MTMR10: variants seen among roughly 807,000 people sequenced by gnomAD.
The protein encoded by MTMR10 is myotubularin-related protein 10.
A neutral mutation model predicts 88.1 loss-of-function variants in MTMR10; 56 were observed. The ratio of observed to expected loss-of-function variants is 0.64; its 90% confidence interval spans 0.51 to 0.79. MTMR10 has a LOEUF of 0.79. Among genes scored for constraint, MTMR10 ranks in the 30% least tolerant of loss-of-function variants. MTMR10 has a pLI of 0.00. For missense variants in MTMR10, 883 were observed against 924.7 expected (o/e 0.95, Z 0.58); for synonymous variants, 380 against 340.9 (o/e 1.11, Z -1.26).
At chr15:30,922,120 A>G in the MTMR10 span, 1 of 1,340,128 alleles carries the variant, frequency 7.5e-7, no homozygotes, top group Non-Finnish European at 1.0e-6. Context: ...GCCTCATTGT[A>G]GAATGGAAAG....
the MTMR10 span, chr15:30,920,508 C>G: frequency 2.3e-6 from 3 of 1,326,594 alleles, no homozygotes; most frequent in Non-Finnish European, 3.2e-6. Flanking sequence ...ATAAATTAAC[C>G]AAATTATTAA....
At chr15:30,935,613 T>C (rs948552749), downstream of MTMR10, among the ~76,000 whole-genome samples, 1 of 151,278 alleles carries the variant, frequency 6.6e-6, no homozygotes, top group Admixed American at 6.6e-5. Flanking sequence ...ATCAGGGACT[T>C]GAGCATCCAT....
At chr15:30,955,507 T>C (rs1339312610) in intron 9 of MTMR10, among the ~76,000 whole-genome samples, 1 of 152,122 alleles carries the variant, frequency 6.6e-6, no homozygotes, top group Non-Finnish European at 1.5e-5. Context: ...CCTGACCTTG[T>C]GATTCACCCC....
At chr15:30,964,281 T>C (rs1240622709) in intron 6 of MTMR10, among the ~76,000 whole-genome samples, 1 of 152,256 alleles carries the variant, frequency 6.6e-6, no homozygotes. Context: ...CCAGCAGCAC[T>C]GAATACTTTT....
At chr15:30,920,556 AT>A in the MTMR10 span, 6 of 1,610,454 alleles carry the variant, frequency 3.7e-6, no homozygotes, top group Non-Finnish European at 5.1e-6. Context: ...TGCCACGAAG[AT>A]TTACCACTCT....
At chr15:30,984,172 T>C (rs980885168) in intron 2 of MTMR10, among the ~76,000 whole-genome samples, 4 of 152,218 alleles carry the variant, frequency 2.6e-5, no homozygotes, top group African/African-American at 9.6e-5. Context: ...TTAAAGAATT[T>C]GGATTTTATC....
At chr15:30,974,862 G>T in intron 4 of MTMR10, 69 bp downstream of exon 4, 1 of 1,103,702 alleles carries the variant, frequency 9.1e-7, no homozygotes, top group Non-Finnish European at 1.2e-6. Context: ...TATTTTGAGA[G>T]GTATGACTTT....
chr15:30,941,829 G>A lies in MTMR10; in HGVS notation c.1975C>T (p.Leu659=). 6.2e-7 allele frequency: 1 copy of A among 1,614,066 alleles called. No homozygotes were observed. Among genetic ancestry groups the A allele is most frequent in the East Asian group, 2.2e-5 (1 of 44,888 alleles). The change falls in exon 16 of 16, where the codon CTG becomes TTG. Residue 659 remains leucine, a synonymous_variant. Coordinates refer to ENST00000435680, the MANE Select transcript of MTMR10 (RefSeq NM_017762.3). ...TCGGGAACCCAGCGGAAGTAGCACA[G>A]TTTCCACAGTTTTATGTGTGTTCCA... is the stretch of plus-strand genomic sequence containing the variant. ...VSGTHIKLWK[L]CYFRWVPEAQ...
the MTMR10 span, among the ~76,000 whole-genome samples, chr15:30,931,351 A>C: frequency 6.6e-6 from 1 of 152,172 alleles, no homozygotes; most frequent in Non-Finnish European, 1.5e-5. Flanking sequence ...GTCCTTTATC[A>C]GTGACATTTC....
chr15:30,939,457 G>A lies in MTMR10; in HGVS notation c.*2013C>T. 1 of 985,424 alleles carries A rather than the reference G, an allele frequency of 1.0e-6. No individual in the cohort carries two copies. Among genetic ancestry groups the A allele is most frequent in the Non-Finnish European group, 1.2e-6 (1 of 829,926 alleles). The allele number at this position is 985,424 out of a possible 1,614,324, so 61.0% of individuals were successfully genotyped here. A position where few individuals can be genotyped will look rare whatever the true frequency, so the allele number is the denominator to read the frequency against. On this transcript the variant is annotated 3_prime_UTR_variant, in exon 16 of 16. Coordinates refer to ENST00000435680, the MANE Select transcript of MTMR10 (RefSeq NM_017762.3). ...GCAGCTTCACCCTGGCCCGACTGAA[G>A]GCTGTCATAGTTGTTTTTCATATTA... is the stretch of plus-strand genomic sequence containing the variant.
chr15:30,942,413 C>CA (rs2063086241), intron 15 of MTMR10: 2 of 337,794 alleles, frequency 5.9e-6, no homozygotes, highest in Non-Finnish European at 1.1e-5. Context: ...TGAACAGAGG[C>CA]AGTCAGGAGG....
chr15:30,945,031 CTCTT>C (rs1413519299), intron 14 of MTMR10, among the ~76,000 whole-genome samples: 1 of 150,980 alleles, frequency 6.6e-6, no homozygotes, highest in Admixed American at 6.6e-5. Flanking sequence ...AAAAGATGTT[CTCTT>C]TTTTAAAAGG....
chr15:30,974,920 A>G lies in MTMR10; in HGVS notation c.331+11T>C. ...AATTGACTTTTAGAGTATGTACGGAATACTACGTACCTGTGACAATTTGCT... is the reference window on the plus strand; with the variant it reads ...AATTGACTTTTAGAGTATGTACGGAGTACTACGTACCTGTGACAATTTGCT... On this transcript the variant is annotated intron_variant, in intron 4 of 15. Coordinates refer to ENST00000435680, the MANE Select transcript of MTMR10 (RefSeq NM_017762.3). The G allele has an allele frequency of 2.6e-6, 4 of 1,515,690 alleles. No homozygotes were observed. Among genetic ancestry groups the G allele is most frequent in the Non-Finnish European group, 2.7e-6 (3 of 1,116,370 alleles). The allele number at this position is 1,515,690 out of a possible 1,614,324, so 93.9% of individuals were successfully genotyped here.
At position 30,954,950 on chromosome 15, in the gene MTMR10, T is replaced by C. The variant is rs1374693425; in HGVS notation, c.936-57A>G. 1.3e-5 allele frequency: 18 copies of C among 1,433,278 alleles called. No individual in the cohort carries two copies. The East Asian group carries it at 4.5e-4, about 36-fold the overall frequency. The allele number at this position is 1,433,278 out of a possible 1,614,324, so 88.8% of individuals were successfully genotyped here. On this transcript the variant is annotated intron_variant, in intron 9 of 15. Transcript: ENST00000435680. ...TCATTCATTTCAGCATATATTTATT[T>C]AACCCTTACTATAGACCAGGGGATA...
chr15:30,990,741 G>A (rs1179847442), intron 2 of MTMR10, 36 bp downstream of exon 2: 5 of 1,560,974 alleles, frequency 3.2e-6, no homozygotes, highest in Non-Finnish European at 4.4e-6. Context: ...AAAATACGTT[G>A]CTAAAGTATC....
At chr15:30,968,534 A>C (rs1467213999) in intron 5 of MTMR10, among the ~76,000 whole-genome samples, 1 of 143,074 alleles carries the variant, frequency 7.0e-6, no homozygotes, top group Non-Finnish European at 1.5e-5. Flanking sequence ...TCAAAAAAAC[A>C]ACACACACAC....
In MTMR10 at chr15:30,941,220, A is replaced by G. The variant is rs1471808391; in HGVS notation, c.*250T>C. 1 of 1,398,970 alleles carries G rather than the reference A, an allele frequency of 7.1e-7. No homozygotes were observed. Among genetic ancestry groups the G allele is most frequent in the Admixed American group, 2.1e-5 (1 of 46,746 alleles). 86.7% of individuals were successfully genotyped at this position (1,398,970 alleles called of 1,614,324 possible). A position where few individuals can be genotyped will look rare whatever the true frequency, so the allele number is the denominator to read the frequency against. On this transcript the variant is annotated 3_prime_UTR_variant, in exon 16 of 16. Coordinates refer to ENST00000435680, the MANE Select transcript of MTMR10 (RefSeq NM_017762.3). ...TGGAGACAAAAATGTAGCAGACAAC[A>G]TGAACAGTTTGATCACGGTTACAAG...
downstream of MTMR10, among the ~76,000 whole-genome samples, chr15:30,935,153 A>G (rs1303383802): frequency 6.6e-6 from 1 of 151,918 alleles, no homozygotes; most frequent in Non-Finnish European, 1.5e-5. Context: ...CAAAACGATA[A>G]ACAAATTAGC....
At chr15:30,937,383 T>C, downstream of MTMR10, 1 of 865,438 alleles carries the variant, frequency 1.2e-6, no homozygotes, top group South Asian at 1.9e-5. Context: ...TTTTACAGTG[T>C]CTGCATATCA....
Sources: allele counts gnomAD v4.1 joint callset (sites outside exome capture counted in the v4.1 genomes callset), GRCh38; gene constraint gnomAD v4.1.1; transcripts MANE v1.5; gene names NCBI Gene and HGNC (gene_info 2026-07-23, HGNC 2026-07-21).